COPS4: variants seen among roughly 807,000 people sequenced by gnomAD.
COPS4 encodes COP9 signalosome complex subunit 4.
A neutral mutation model predicts 55.1 loss-of-function variants in COPS4; 8 were observed. The observed-to-expected ratio is 0.15, with a 90% CI of 0.09 to 0.26. The LOEUF is 0.26. COPS4 is among the 10% of genes least tolerant of loss of function. The pLI is 1.00. For synonymous variants in COPS4, 185 were observed against 165.7 expected, an observed-to-expected ratio of 1.12 and a Z score of -0.90; for missense variants, 248 against 484.0, an observed-to-expected ratio of 0.51 and a Z score of 4.58.
At chr4:83,045,847 CTTGA>C (rs1730695919) in intron 2 of COPS4, 142 bp downstream of exon 2, 1 of 568,472 alleles carries the variant, frequency 1.8e-6, no homozygotes, top group African/African-American at 1.9e-5. Context: ...CTGTTTACAA[CTTGA>C]TTAATTTTCA....
At position 83,053,839 on chromosome 4, in the gene COPS4, C is replaced by CAAAAAA. The variant is rs55904890; in HGVS notation, c.411-3079_411-3074dup. ...TGGGTGACAGAGTAAGACTCTGTCT[C>CAAAAAA]AAAAAAAAAAAAAGATGGTTTATAA... On this transcript the variant is annotated intron_variant, in intron 4 of 9. Transcript: ENST00000264389. 6.9e-5 allele frequency among the ~76,000 whole-genome samples: 6 copies of CAAAAAA among 86,564 alleles called. 2 individuals are homozygous for CAAAAAA. Among genetic ancestry groups the CAAAAAA allele is most frequent in the Non-Finnish European group, 8.4e-5 (4 of 47,900 alleles). 56.8% of individuals were successfully genotyped at this position (86,564 alleles called of 152,430 possible).
chr4:83,057,960 A>G (rs1731057945), intron 6 of COPS4, among the ~76,000 whole-genome samples: 1 of 151,214 alleles, frequency 6.6e-6, no homozygotes, highest in Non-Finnish European at 1.5e-5. Context: ...AAGAGATAAT[A>G]TAAAGTTCTA....
chr4:83,072,245 C>A (rs1481129599), intron 9 of COPS4, among the ~76,000 whole-genome samples: 1 of 151,846 alleles, frequency 6.6e-6, no homozygotes, highest in Non-Finnish European at 1.5e-5. Flanking sequence ...CCACCACGCT[C>A]ATGCACCACC....
intron 4 of COPS4, among the ~76,000 whole-genome samples, chr4:83,052,580 C>CT (rs748288488): frequency 6.6e-6 from 1 of 152,086 alleles, no homozygotes; most frequent in Non-Finnish European, 1.5e-5. Flanking sequence ...TGTAAGTACT[C>CT]TTTCATTGCA....
chr4:83,039,068 G>A (rs1340283522), intron 1 of COPS4, among the ~76,000 whole-genome samples: 1 of 152,068 alleles, frequency 6.6e-6, no homozygotes, highest in Non-Finnish European at 1.5e-5. Context: ...CAAAACTTAG[G>A]GCTTAAAACA....
At chr4:83,056,541 G>C (rs943378631) in intron 4 of COPS4, among the ~76,000 whole-genome samples, 5 of 152,190 alleles carry the variant, frequency 3.3e-5, no homozygotes, top group African/African-American at 4.8e-5. Context: ...GCTCACGCCT[G>C]TAATCCCAGC....
intron 1 of COPS4, among the ~76,000 whole-genome samples, chr4:83,039,837 A>G (rs1016865179): frequency 5.3e-5 from 8 of 152,086 alleles, no homozygotes; most frequent in African/African-American, 1.4e-4. Flanking sequence ...GGGTCTCCCT[A>G]TGTTGCCCAG....
Position 83,035,202 on chromosome 4 carries a change from T to C in COPS4, c.-23T>C, listed in dbSNP as rs1258535585. 1 of 1,545,886 alleles carries C rather than the reference T, an allele frequency of 6.5e-7. No homozygotes were observed. Among genetic ancestry groups the C allele is most frequent in the Admixed American group, 1.7e-5 (1 of 57,592 alleles). On this transcript the variant is annotated 5_prime_UTR_variant, in exon 1 of 10. Coordinates refer to ENST00000264389, the MANE Select transcript of COPS4 (RefSeq NM_016129.3). ...TTTTTGGCTGCCAGAGGCCCCCGCA[T>C]CCACCGCTGAGCTGGGAGAAAGATG...
chr4:83,068,247 A>G (rs1263578710), intron 8 of COPS4, among the ~76,000 whole-genome samples, 191 bp from the exon 9 acceptor site: 1 of 152,240 alleles, frequency 6.6e-6, no homozygotes, highest in Non-Finnish European at 1.5e-5. Flanking sequence ...CAGTTAACTT[A>G]AAATAATGGC....
At chr4:83,060,510 G>T (rs1435836766) in intron 6 of COPS4, among the ~76,000 whole-genome samples, 1 of 151,440 alleles carries the variant, frequency 6.6e-6, no homozygotes, top group Non-Finnish European at 1.5e-5. Flanking sequence ...GTTTCACCGC[G>T]TTAGCCAGGA....
Position 83,068,482 on chromosome 4 carries a change from T to C in COPS4, c.1047T>C (p.Asn349=). 1 of 1,612,200 alleles carries C rather than the reference T, an allele frequency of 6.2e-7. No homozygotes were observed. Among genetic ancestry groups the C allele is most frequent in the Non-Finnish European group, 8.5e-7 (1 of 1,178,644 alleles). The change falls in exon 9 of 10, where the codon AAT becomes AAC. Residue 349 remains asparagine, a synonymous_variant. Coordinates refer to ENST00000264389, the MANE Select transcript of COPS4 (RefSeq NM_016129.3). The part of the protein sequence containing the change: ...ASQMITEGRM[N]GFIDQIDGIV... ...AAATGATAACCGAAGGACGTATGAATGGATTTATTGACCAGATTGATGGAA... is the reference window on the plus strand; with the variant it reads ...AAATGATAACCGAAGGACGTATGAACGGATTTATTGACCAGATTGATGGAA...
intron 4 of COPS4, among the ~76,000 whole-genome samples, chr4:83,051,227 C>A (rs557252865): frequency 6.6e-6 from 1 of 151,894 alleles, no homozygotes; most frequent in Admixed American, 6.6e-5. Context: ...ATTGAGAACA[C>A]CCCCCATCCC....
chr4:83,039,368 C>T (rs922596395), intron 1 of COPS4, among the ~76,000 whole-genome samples: 4 of 152,176 alleles, frequency 2.6e-5, no homozygotes, highest in East Asian at 3.8e-4. Flanking sequence ...CAAGGCCTCT[C>T]GAGGTCTGGG....
At chr4:83,067,801 A>G (rs907642301) in intron 8 of COPS4, among the ~76,000 whole-genome samples, 2 of 152,216 alleles carry the variant, frequency 1.3e-5, no homozygotes, top group Non-Finnish European at 2.9e-5. Context: ...GCTTTAAGGT[A>G]TGATCTCTTG....
At chr4:83,052,335 A>G (rs549553749) in intron 4 of COPS4, among the ~76,000 whole-genome samples, 32 of 152,332 alleles carry the variant, frequency 2.1e-4, no homozygotes, top group African/African-American at 7.7e-4. Context: ...GAAGGAATCT[A>G]GCAGAGGGAT....
At chr4:83,050,023 A>C (rs1320591155) in intron 4 of COPS4, 39 bp downstream of exon 4, 1 of 1,149,174 alleles carries the variant, frequency 8.7e-7, no homozygotes, top group Non-Finnish European at 1.3e-6. Flanking sequence ...TATATATAGG[A>C]TGTATATAAT....
chr4:83,059,429 A>G (rs1214532823), intron 6 of COPS4, among the ~76,000 whole-genome samples: 2 of 152,138 alleles, frequency 1.3e-5, no homozygotes, highest in African/African-American at 4.8e-5. Flanking sequence ...CTGAAAAAGT[A>G]TTGAGAACCG....
chr4:83,075,720 T>G lies in COPS4; in HGVS notation c.*290T>G. 3.9e-6 allele frequency: 1 copy of G among 257,166 alleles called. No individual in the cohort carries two copies. The highest frequency in any genetic ancestry group is 7.5e-5 in the East Asian group (1 of 13,406). 15.9% of individuals were successfully genotyped at this position (257,166 alleles called of 1,614,324 possible). A position where few individuals can be genotyped will look rare whatever the true frequency, so the allele number is the denominator to read the frequency against. On this transcript the variant is annotated 3_prime_UTR_variant, in exon 10 of 10. Transcript: ENST00000264389. ...AAGTTTGAGATTTGTGATAACTTTG[T>G]AGTCATGTAAAACTTAAGTGCTTCA...
Position 83,057,299 on chromosome 4 carries a change from T to C in COPS4, c.606T>C (p.Ile202=), listed in dbSNP as rs777856541. 3.6e-5 allele frequency: 58 copies of C among 1,610,512 alleles called. No homozygotes were observed. The highest frequency in any genetic ancestry group is 4.2e-5 in the Non-Finnish European group (50 of 1,179,020). ...ARVLDYRRKF[I]EAAQRYNELS... ...TTCTTGATTATAGAAGAAAATTCAT[T>C]GAAGCTGCACAAAGGTACAATGAGC... Residue 202 remains isoleucine, a synonymous_variant, in exon 6 of 10, where the codon ATT becomes ATC. Transcript: ENST00000264389.
Sources: gnomAD v4.1 joint callset for allele counts (sites outside exome capture counted in the v4.1 genomes callset) on GRCh38, gnomAD v4.1.1 for gene constraint, MANE v1.5 for transcripts, NCBI Gene and HGNC (gene_info 2026-07-23, HGNC 2026-07-21) for gene names.